The following PRDM16 variants were observed in gnomAD, a reference collection of about 807,000 sequenced individuals.
PRDM16 encodes PR/SET domain 16.
PRDM16 carries 23 observed loss-of-function variants against 110.6 expected under a neutral mutation model. That is an observed-to-expected ratio of 0.21 (90% CI 0.15 to 0.29). PRDM16 has a LOEUF of 0.29. Ranked by LOEUF, PRDM16 falls within the 10% of genes least tolerant of loss-of-function variation. The pLI, the probability that PRDM16 is intolerant of heterozygous loss-of-function variation, is 1.00. For synonymous variants in PRDM16, 799 were observed against 781.8 expected (o/e 1.02, Z -0.37); for missense variants, 1,615 against 1,794.3 (o/e 0.90, Z 1.81).
intron 3 of PRDM16, among the ~76,000 whole-genome samples, chr1:3,253,882 CT>C (rs1381939056): frequency 2.0e-5 from 3 of 152,152 alleles, no homozygotes; most frequent in African/African-American, 4.8e-5. Flanking sequence ...TGTTTCCTGA[CT>C]TTTTAATGAT....
At chr1:3,169,926 C>T (rs1309056313) in intron 1 of PRDM16, among the ~76,000 whole-genome samples, 4 of 152,256 alleles carry the variant, frequency 2.6e-5, no homozygotes, top group Non-Finnish European at 5.9e-5. Context: ...ATGACCGCGG[C>T]CCGCGCGCTC....
At chr1:3,182,513 G>C (rs904055854) in intron 1 of PRDM16, among the ~76,000 whole-genome samples, 12 of 152,208 alleles carry the variant, frequency 7.9e-5, no homozygotes, top group Non-Finnish European at 1.8e-4. Flanking sequence ...GATGGTGGGG[G>C]TGGCCTCTGT....
intron 1 of PRDM16, among the ~76,000 whole-genome samples, chr1:3,101,450 G>A (rs1310075345): frequency 3.9e-5 from 6 of 152,226 alleles, no homozygotes; most frequent in Non-Finnish European, 7.3e-5. Context: ...ATGGGCAGCC[G>A]CACCACCAGC....
intron 5 of PRDM16, among the ~76,000 whole-genome samples, chr1:3,401,336 G>T (rs1299752413): frequency 6.6e-6 from 1 of 152,182 alleles, no homozygotes; most frequent in East Asian, 1.9e-4. Flanking sequence ...GCAATCCTTA[G>T]GTTCAGGCCT....
At chr1:3,221,225 C>T (rs1239109472) in intron 2 of PRDM16, among the ~76,000 whole-genome samples, 1 of 152,250 alleles carries the variant, frequency 6.6e-6, no homozygotes, top group Non-Finnish European at 1.5e-5. Context: ...TCACTCCGCT[C>T]TTCAGGGAAA....
chr1:3,134,043 T>A (rs1225210577), intron 1 of PRDM16, among the ~76,000 whole-genome samples: 1 of 152,136 alleles, frequency 6.6e-6, no homozygotes, highest in Non-Finnish European at 1.5e-5. Flanking sequence ...CGCGTCCAGT[T>A]CAGGGAGCGT....
intron 2 of PRDM16, among the ~76,000 whole-genome samples, chr1:3,196,609 G>A (rs1314256246): frequency 1.3e-5 from 2 of 152,202 alleles, no homozygotes; most frequent in Non-Finnish European, 2.9e-5. Flanking sequence ...AACCGCAGGG[G>A]TTCCTGACCC....
intron 3 of PRDM16, among the ~76,000 whole-genome samples, chr1:3,282,082 G>A (rs886776244): frequency 2.0e-5 from 3 of 152,238 alleles, no homozygotes; most frequent in African/African-American, 4.8e-5. Flanking sequence ...TCTAGGTATG[G>A]GACGCCAGCT....
At chr1:3,082,955 T>C (rs1004142793) in intron 1 of PRDM16, among the ~76,000 whole-genome samples, 8 of 152,122 alleles carry the variant, frequency 5.3e-5, no homozygotes, top group African/African-American at 1.4e-4. Context: ...CTGGGACAGA[T>C]GAAACACAGA....
chr1:3,407,020 G>C (rs1026421416), intron 8 of PRDM16, among the ~76,000 whole-genome samples: 4 of 152,242 alleles, frequency 2.6e-5, no homozygotes, highest in Non-Finnish European at 5.9e-5. Flanking sequence ...GCCAGGCTGT[G>C]GAGCCCAAAT....
intron 3 of PRDM16, among the ~76,000 whole-genome samples, chr1:3,280,487 A>T (rs1640690320): frequency 3.3e-5 from 5 of 152,150 alleles, no homozygotes; most frequent in Admixed American, 2.6e-4. Context: ...ACCAGAGAAA[A>T]GCCAGAGTTT....
intron 3 of PRDM16, among the ~76,000 whole-genome samples, chr1:3,295,097 C>T (rs755955021): frequency 6.6e-6 from 1 of 152,222 alleles, no homozygotes; most frequent in East Asian, 1.9e-4. Flanking sequence ...TAAAAGCCAC[C>T]TCTGCCTCCC....
intron 4 of PRDM16, among the ~76,000 whole-genome samples, chr1:3,393,074 C>G (rs1302511559): frequency 1.3e-5 from 2 of 152,144 alleles, no homozygotes; most frequent in Non-Finnish European, 2.9e-5. Context: ...TTTTTTAAAG[C>G]CATTTACAGC....
chr1:3,233,900 A>G (rs1639477324), intron 2 of PRDM16, among the ~76,000 whole-genome samples: 1 of 151,490 alleles, frequency 6.6e-6, no homozygotes, highest in African/African-American at 2.4e-5. Context: ...TTAAAAAAAA[A>G]AAAAGGTGGG....
chr1:3,304,598 C>T lies in PRDM16; in HGVS notation c.438+60461C>T, dbSNP rs143074504. On this transcript the variant is annotated intron_variant, in intron 3 of 16. Transcript: ENST00000270722. ...CACTGGCCTCAACTGCATGTCCACA[C>T]GAGGAGCACGGCCTGGAGTGCATTG... Among the ~76,000 whole-genome samples the T allele has an allele frequency of 3.4e-3, 514 of 152,282 alleles. 2 individuals carry two copies. Among genetic ancestry groups the T allele is most frequent in the African/African-American group, 0.011 (475 of 41,546 alleles).
At position 3,243,888 on chromosome 1, in the gene PRDM16, C is replaced by G. The variant is rs568040538; in HGVS notation, c.388-199C>G. Among the ~76,000 whole-genome samples the G allele has an allele frequency of 6.6e-6, 1 of 152,166 alleles. No individual in the cohort carries two copies. The highest frequency in any genetic ancestry group is 1.9e-4 in the East Asian group (1 of 5,168). ...AAGTCCCTGGGGGGCGCTTGGAGTCCTCGGTGACTGGGGGAGCCTCTGCTG... is the reference window on the plus strand; with the variant it reads ...AAGTCCCTGGGGGGCGCTTGGAGTCGTCGGTGACTGGGGGAGCCTCTGCTG... On this transcript the variant is annotated intron_variant, in intron 2 of 16. Coordinates refer to ENST00000270722, the MANE Select transcript of PRDM16 (RefSeq NM_022114.4). This position sits in a 1 kb window ranked among gnomAD's most constrained non-coding sequence, Gnocchi z 5.5.
At chr1:3,205,036 G>T (rs1391158014) in intron 2 of PRDM16, among the ~76,000 whole-genome samples, 1 of 152,146 alleles carries the variant, frequency 6.6e-6, no homozygotes, top group African/African-American at 2.4e-5. Flanking sequence ...CGGGTATAAT[G>T]CGGCCTAAAT....
chr1:3,220,011 C>T (rs1639117622), intron 2 of PRDM16, among the ~76,000 whole-genome samples: 1 of 152,218 alleles, frequency 6.6e-6, no homozygotes, highest in Non-Finnish European at 1.5e-5. Context: ...TGAGCCTCTC[C>T]TGAAAACCAT....
intron 10 of PRDM16, among the ~76,000 whole-genome samples, chr1:3,414,971 G>A (rs1242652716): frequency 6.6e-6 from 1 of 152,216 alleles, no homozygotes; most frequent in African/African-American, 2.4e-5. Flanking sequence ...GATTGTGAGT[G>A]AGGGGAGCAG....
Sources: allele counts gnomAD v4.1 joint callset (sites outside exome capture counted in the v4.1 genomes callset), GRCh38; gene constraint gnomAD v4.1.1; non-coding constraint Gnocchi (gnomAD v3.1); transcripts MANE v1.5; gene names NCBI Gene and HGNC (gene_info 2026-07-23, HGNC 2026-07-21).